Variants in TMPRSS11A observed in about 807,000 individuals in gnomAD.
The protein encoded by TMPRSS11A is transmembrane serine protease 11A.
TMPRSS11A carries 53 observed loss-of-function variants against 58.9 expected under a neutral mutation model. The ratio of observed to expected loss-of-function variants is 0.90; its 90% CI spans 0.72 to 1.13. TMPRSS11A has a LOEUF of 1.13. Ranked by LOEUF, TMPRSS11A falls within the 50% of genes most tolerant of loss-of-function variation. The probability of loss-of-function intolerance (pLI) is 0.00; values close to 1 mark genes in which losing one functional copy is unlikely to be tolerated. For synonymous variants in TMPRSS11A, 167 were observed against 169.8 expected, an observed-to-expected ratio of 0.98 and a Z score of 0.13; for missense variants, 493 against 499.3, an observed-to-expected ratio of 0.99 and a Z score of 0.12.
intron 9 of TMPRSS11A, among the ~76,000 whole-genome samples, chr4:67,913,553 G>T (rs905123556): frequency 2.6e-5 from 4 of 152,100 alleles, no homozygotes; most frequent in African/African-American, 9.7e-5. Flanking sequence ...CCCTCCTAAG[G>T]CTTTTCAGTA....
intron 8 of TMPRSS11A, among the ~76,000 whole-genome samples, chr4:67,916,778 G>C (rs1430978873): frequency 6.6e-6 from 1 of 152,034 alleles, no homozygotes; most frequent in Non-Finnish European, 1.5e-5. Flanking sequence ...AGTGAGCCGA[G>C]ATCACGCCAC....
intron 1 of TMPRSS11A, among the ~76,000 whole-genome samples, chr4:67,962,941 T>C (rs949535135): frequency 6.6e-6 from 1 of 152,152 alleles, no homozygotes; most frequent in Non-Finnish European, 1.5e-5. Flanking sequence ...TACCTCTCAA[T>C]CTGCATTAGT....
chr4:67,913,907 C>A (rs1307022393), intron 9 of TMPRSS11A, among the ~76,000 whole-genome samples: 1 of 152,194 alleles, frequency 6.6e-6, no homozygotes, highest in African/African-American at 2.4e-5. Context: ...GCAAGTGTCT[C>A]CAGGAAGAAA....
intron 1 of TMPRSS11A, among the ~76,000 whole-genome samples, chr4:67,952,456 C>A (rs981635067): frequency 6.6e-6 from 1 of 152,264 alleles, no homozygotes; most frequent in East Asian, 1.9e-4. Context: ...TGATATGAAG[C>A]TCCACCAAAT....
In TMPRSS11A at chr4:67,922,824, T is replaced by A. The variant is rs1469952827; in HGVS notation, c.623A>T (p.Asn208Ile). 1.2e-6 allele frequency: 2 copies of A among 1,614,056 alleles called. No homozygotes were observed. Among genetic ancestry groups the A allele is most frequent in the Admixed American group, 3.3e-5 (2 of 60,002 alleles). ...CAAGGTGGCCCCACACTGATGGATG[T>A]TATCATACTGAAGGGAAGCTTGCCA... is the stretch of plus-strand genomic sequence containing the variant. ...WPWQASLQYD[N>I]IHQCGATLIS... Residue 208 changes from asparagine (N) to isoleucine (I), a missense_variant, in exon 7 of 10, where the codon AAC (asparagine) becomes ATC (isoleucine). Coordinates refer to ENST00000508048, the MANE Select transcript of TMPRSS11A (RefSeq NM_001114387.2).
At chr4:67,941,961 T>C (rs1179364526) in intron 3 of TMPRSS11A, among the ~76,000 whole-genome samples, 1 of 152,136 alleles carries the variant, frequency 6.6e-6, no homozygotes, top group East Asian at 1.9e-4. Flanking sequence ...AAGCGCAGTG[T>C]CCACAACCAA....
intron 1 of TMPRSS11A, among the ~76,000 whole-genome samples, chr4:67,954,347 C>A (rs1052867323): frequency 6.6e-6 from 1 of 152,266 alleles, no homozygotes; most frequent in Non-Finnish European, 1.5e-5. Context: ...GACAAGCCCA[C>A]AGATACTCAC....
At position 67,954,464 on chromosome 4, in the gene TMPRSS11A, T is replaced by G. The variant is rs143682426; in HGVS notation, c.12-7893A>C. Among the ~76,000 whole-genome samples the G allele has an allele frequency of 1.1e-3, 173 of 152,368 alleles. 1 individual carries two copies. Among genetic ancestry groups the G allele is most frequent in the African/African-American group, 3.9e-3 (164 of 41,594 alleles). On this transcript the variant is annotated intron_variant, in intron 1 of 9. Transcript: ENST00000508048. ...TAATCAGTGAAATTAATTTCAGTTC[T>G]TATCCCTTCTAGATCCCCCTGCCCT... is the stretch of plus-strand genomic sequence containing the variant.
intron 3 of TMPRSS11A, among the ~76,000 whole-genome samples, chr4:67,938,190 G>T (rs79039808): frequency 0.011 from 1,658 of 152,168 alleles, 28 homozygotes; most frequent in African/African-American, 0.037. Flanking sequence ...TCTTGACTGC[G>T]TTGTATGTCT....
Position 67,919,029 on chromosome 4 carries a change from G to A in TMPRSS11A, c.896C>T (p.Ser299Phe), listed in dbSNP as rs866099237. The A allele has an allele frequency of 6.2e-7, 1 of 1,614,176 alleles. No individual in the cohort carries two copies. Among genetic ancestry groups the A allele is most frequent in the Non-Finnish European group, 8.5e-7 (1 of 1,180,022 alleles). ...GTGGACAGTCAAATTTGGTTGGAAG[G>A]ATGCAGAGGCTTCTGGCAAACAAAT... Reference protein sequence around the residue: ...RQICLPEASASFQPNLTVHIT... With the variant: ...RQICLPEASAFFQPNLTVHIT... Residue 299 changes from serine to phenylalanine, a missense_variant, in exon 8 of 10, where the codon TCC becomes TTC. Transcript: ENST00000508048.
intron 5 of TMPRSS11A, among the ~76,000 whole-genome samples, chr4:67,929,222 T>C (rs1344643565): frequency 6.6e-6 from 1 of 152,174 alleles, no homozygotes; most frequent in Non-Finnish European, 1.5e-5. Context: ...AATTAGTTAC[T>C]TAAGGTAAAG....
At chr4:67,957,661 G>A (rs976957209) in intron 1 of TMPRSS11A, among the ~76,000 whole-genome samples, 12 of 152,100 alleles carry the variant, frequency 7.9e-5, no homozygotes, top group Non-Finnish European at 1.3e-4. Flanking sequence ...CTGACAATGC[G>A]ATAAAACAGA....
chr4:67,932,094 TA>T lies in TMPRSS11A; in HGVS notation c.253-35del, dbSNP rs1316109478. 3.3e-6 allele frequency: 4 copies of T among 1,228,414 alleles called. No homozygotes were observed. In the Admixed American group the frequency reaches 7.3e-5, roughly 23 times the overall value. 76.1% of individuals were successfully genotyped at this position (1,228,414 alleles called of 1,614,324 possible). On this transcript the variant is annotated intron_variant, in intron 3 of 9. Coordinates refer to ENST00000508048, the MANE Select transcript of TMPRSS11A (RefSeq NM_001114387.2). ...CAACAAGAGAGAAACTATGTGTTAA[TA>T]ATATATTTTATAATAGGAATATATC...
chr4:67,930,831 CAAA>C (rs1165212348), intron 4 of TMPRSS11A, among the ~76,000 whole-genome samples: 3 of 74,744 alleles, frequency 4.0e-5, no homozygotes, highest in African/African-American at 1.6e-4. Context: ...TTTTTTTTTA[CAAA>C]AAAAAAAAAA....
intron 9 of TMPRSS11A, among the ~76,000 whole-genome samples, 173 bp from the exon 10 acceptor site, chr4:67,911,676 C>T (rs751547539): frequency 6.6e-6 from 1 of 152,014 alleles, no homozygotes; most frequent in Non-Finnish European, 1.5e-5. Flanking sequence ...CCTTAAGGTT[C>T]AACTTTCACA....
In TMPRSS11A at chr4:67,944,631, T is replaced by C. The variant is rs1025795380; in HGVS notation, c.140A>G (p.Lys47Arg). Reference sequence around the variant, plus strand: ...AAAGGAGCCATGATAGTACTCCTTTTTTTGGTCTGCAATGGAAATGAAAAA... The same window carrying C: ...AAAGGAGCCATGATAGTACTCCTTTCTTTGGTCTGCAATGGAAATGAAAAA... ...LLVHFLVFDQKKEYYHGSFKI... is the reference protein window; with the variant it reads ...LLVHFLVFDQRKEYYHGSFKI... The change falls in exon 3 of 10, where the codon AAA (lysine) becomes AGA (arginine). Residue 47 changes from lysine to arginine, a missense_variant. Physicochemically the swap from Lys to Arg is conservative, Grantham distance 26 (BLOSUM62 2). Transcript: ENST00000508048. 3.1e-6 allele frequency: 5 copies of C among 1,610,100 alleles called. No homozygotes were observed. The highest frequency in any genetic ancestry group is 1.7e-5 in the Admixed American group (1 of 59,396).
intron 2 of TMPRSS11A, among the ~76,000 whole-genome samples, chr4:67,946,245 T>C (rs1720998510): frequency 6.6e-6 from 1 of 152,180 alleles, no homozygotes; most frequent in African/African-American, 2.4e-5. Context: ...CTTAAAGCTG[T>C]ATCTTGAATA....
intron 3 of TMPRSS11A, among the ~76,000 whole-genome samples, chr4:67,935,662 G>A (rs948950049): frequency 1.3e-5 from 2 of 152,096 alleles, no homozygotes; most frequent in African/African-American, 4.8e-5. Context: ...TTGGTATGTA[G>A]TATATTTTTG....
chr4:67,959,283 A>T lies in TMPRSS11A; in HGVS notation c.11+4100T>A, dbSNP rs907366221. 2.0e-5 allele frequency among the ~76,000 whole-genome samples: 3 copies of T among 151,084 alleles called. No individual in the cohort carries two copies. In the East Asian group the frequency reaches 5.9e-4, roughly 30 times the overall value. On this transcript the variant is annotated intron_variant, in intron 1 of 9. Transcript: ENST00000508048. ...GAAAGCCTAGGAAATAACCTTCTTA[A>T]CATCAACCCTGGTGAAGAATTTTTG...
Sources: gnomAD v4.1 joint callset for allele counts (sites outside exome capture counted in the v4.1 genomes callset) on GRCh38, gnomAD v4.1.1 for gene constraint, MANE v1.5 for transcripts, NCBI Gene and HGNC (gene_info 2026-07-23, HGNC 2026-07-21) for gene names.